USF3: variants seen among roughly 807,000 people sequenced by gnomAD.
The protein encoded by USF3 is upstream transcription factor family member 3, also known as basic helix-loop-helix domain-containing protein USF3.
A neutral mutation model predicts 157.5 loss-of-function variants in USF3; 29 were observed. The ratio of observed to expected loss-of-function variants is 0.18; its 90% CI spans 0.14 to 0.25. USF3 has a LOEUF of 0.25. Ranked by LOEUF, USF3 falls within the 10% of genes least tolerant of loss-of-function variation. The pLI is 1.00. For synonymous variants in USF3, 893 were observed against 941.4 expected (o/e 0.95, Z 0.94); for missense variants, 2,381 against 2,667.6 (o/e 0.89, Z 2.37).
At chr3:113,686,661 CA>C (rs1368372280) in intron 1 of USF3, among the ~76,000 whole-genome samples, 3 of 152,188 alleles carry the variant, frequency 2.0e-5, no homozygotes, top group Non-Finnish European at 2.9e-5. Context: ...TCTATTCAGC[CA>C]TCTTGCTCTG....
At chr3:113,666,728 G>A (rs959503322) in intron 5 of USF3, among the ~76,000 whole-genome samples, 3 of 151,784 alleles carry the variant, frequency 2.0e-5, no homozygotes, top group Admixed American at 6.6e-5. Flanking sequence ...ACCATGCCGG[G>A]CTAATTTGTT....
Position 113,659,061 on chromosome 3 carries a change from G to A in USF3, c.2621C>T (p.Ser874Leu). 4 of 1,614,140 alleles carry A rather than the reference G, an allele frequency of 2.5e-6. No homozygotes were observed. The highest frequency in any genetic ancestry group is 3.4e-6 in the Non-Finnish European group (4 of 1,179,998). ...SHSLGVLSSESLIPESVSKSK... is the reference protein window; with the variant it reads ...SHSLGVLSSELLIPESVSKSK... ...TTTCGATACAGACTCAGGTATTAAT[G>A]ATTCAGAGCTTAGAACACCCAAAGA... is the stretch of plus-strand genomic sequence containing the variant. The change falls in exon 7 of 7, where the codon TCA (serine) becomes TTA (leucine). Residue 874 changes from serine (S) to leucine (L), a missense_variant. Physicochemically the swap from Ser to Leu is moderately radical, Grantham distance 145. Transcript: ENST00000316407.
At position 113,655,636 on chromosome 3, in the gene USF3, G is replaced by C; in HGVS notation, c.6046C>G (p.Leu2016Val). 6.2e-7 allele frequency: 1 copy of C among 1,613,926 alleles called. No homozygotes were observed. Among genetic ancestry groups the C allele is most frequent in the South Asian group, 1.1e-5 (1 of 91,078 alleles). ...AGAATCATACTGCCACCAGTAGAGA[G>C]AGGAAGATGGGGAAGACTTGGATCA... The part of the protein sequence containing the change: ...VFDPSLPHLP[L>V]STGGSMILGR... Residue 2016 changes from leucine to valine, a missense_variant, in exon 7 of 7, where the codon CTC becomes GTC. This residue lies in a region of USF3 where 770 missense variants were observed against 824.2 expected (regional missense o/e 0.93). Transcript: ENST00000316407.
At chr3:113,695,572 C>T (rs1460233722) in intron 1 of USF3, among the ~76,000 whole-genome samples, 4 of 152,188 alleles carry the variant, frequency 2.6e-5, no homozygotes, top group Non-Finnish European at 5.9e-5. Context: ...ACTGTATCTA[C>T]TTGATGGTAA....
rs777737224 is a variant in USF3, at chr3:113,660,191, T to C, written c.1491A>G (p.Thr497=). Residue 497 remains threonine, a synonymous_variant, in exon 7 of 7, where the codon ACA becomes ACG. Coordinates refer to ENST00000316407, the MANE Select transcript of USF3 (RefSeq NM_001009899.4). Reference sequence around the variant, plus strand: ...TAGGTAAAGATGGACAAGAAGGCAATGTTACAACTACTTGCTCAACTGGCT... The same window carrying C: ...TAGGTAAAGATGGACAAGAAGGCAACGTTACAACTACTTGCTCAACTGGCT... ...DGQPVEQVVV[T]LPSCPSLPMQ... is the part of the protein sequence containing the mutation. 2 of 1,614,170 alleles carry C rather than the reference T, an allele frequency of 1.2e-6. No individual in the cohort carries two copies. The highest frequency in any genetic ancestry group is 1.7e-6 in the Non-Finnish European group (2 of 1,180,026).
chr3:113,687,260 CACACA>C (rs1559725154), intron 1 of USF3, among the ~76,000 whole-genome samples: 11 of 151,516 alleles, frequency 7.3e-5, no homozygotes, highest in Admixed American at 7.2e-4. Flanking sequence ...CACACACACA[CACACA>C]CCCCCTTTCT....
At chr3:113,695,366 C>G (rs1246565198) in intron 1 of USF3, among the ~76,000 whole-genome samples, 3 of 152,176 alleles carry the variant, frequency 2.0e-5, no homozygotes, top group Non-Finnish European at 4.4e-5. Flanking sequence ...AGTAGGACAG[C>G]CTGTTGATCC....
chr3:113,665,252 G>A lies in USF3; in HGVS notation c.160-843C>T, dbSNP rs139760014. On this transcript the variant is annotated intron_variant, in intron 5 of 6. Transcript: ENST00000316407. ...CGTTGGAGGAATGGTAAGGAGGTGA[G>A]CGGAGCTACAGTGGAGTACATGTGG... is the stretch of plus-strand genomic sequence containing the variant. Among the ~76,000 whole-genome samples the A allele has an allele frequency of 2.4e-3, 373 of 152,326 alleles. 4 individuals carry two copies. The highest frequency in any genetic ancestry group is 8.7e-3 in the African/African-American group (360 of 41,582).
At chr3:113,674,665 A>T (rs936858875) in intron 3 of USF3, among the ~76,000 whole-genome samples, 167 bp downstream of exon 3, 1 of 152,180 alleles carries the variant, frequency 6.6e-6, no homozygotes, top group Non-Finnish European at 1.5e-5. Context: ...TTTTAACCAT[A>T]TACCTTTTTC....
chr3:113,666,916 TTTTA>T, intron 5 of USF3, among the ~76,000 whole-genome samples: 1 of 152,262 alleles, frequency 6.6e-6, no homozygotes, highest in African/African-American at 2.4e-5. Context: ...ACTGTATTTA[TTTTA>T]TTTACCAGTC....
At chr3:113,666,665 G>A (rs1192464219) in intron 5 of USF3, among the ~76,000 whole-genome samples, 1 of 148,790 alleles carries the variant, frequency 6.7e-6, no homozygotes, top group Admixed American at 6.9e-5. Context: ...TCCGCCTCCT[G>A]GGTTCATGCC....
Position 113,660,885 on chromosome 3 carries a change from T to G in USF3, c.797A>C (p.His266Pro), listed in dbSNP as rs746488434. The G allele has an allele frequency of 6.2e-7, 1 of 1,614,154 alleles. No homozygotes were observed. Among genetic ancestry groups the G allele is most frequent in the South Asian group, 1.1e-5 (1 of 91,088 alleles). The change falls in exon 7 of 7, where the codon CAC becomes CCC. Residue 266 changes from histidine (H) to proline (P), a missense_variant. This residue lies in a region of USF3 where 1,435 missense variants were observed against 1,550.9 expected (regional missense o/e 0.93). Transcript: ENST00000316407. ...GCATGTGTGCAAAGAATGATGTTGG[T>G]GAGGCTCAGATTCAATTGAAACAGC... ...LIAVSIESEP[H>P]QHHSLHTCLN...
At chr3:113,677,600 G>A (rs1043170540) in intron 1 of USF3, among the ~76,000 whole-genome samples, 1 of 152,150 alleles carries the variant, frequency 6.6e-6, no homozygotes, top group African/African-American at 2.4e-5. Flanking sequence ...GCTCCATCCC[G>A]ACAAAGATGG....
intron 1 of USF3, among the ~76,000 whole-genome samples, chr3:113,683,464 CTTTTTT>C (rs5851905): frequency 1.1e-5 from 1 of 87,080 alleles, no homozygotes. Flanking sequence ...TTATCCCCTG[CTTTTTT>C]TTTTTTTTTT....
rs1030704001 is a variant in USF3 at position 113,669,771 on chromosome 3, A to G, written c.159+350T>C. On this transcript the variant is annotated intron_variant, in intron 5 of 6. Transcript: ENST00000316407. ...AATAAATTTTTAAAAAGATCCTTGG[A>G]AGATTCTAAGTAAAAATTTAAAAGG... 3.9e-5 allele frequency among the ~76,000 whole-genome samples: 6 copies of G among 152,182 alleles called. No homozygotes were observed. In the South Asian group the frequency reaches 1.0e-3, roughly 26 times the overall value.
Position 113,664,395 on chromosome 3 carries a change from G to T in USF3, c.174C>A (p.Ile58=). The change falls in exon 6 of 7, where the codon ATC becomes ATA. Residue 58 remains isoleucine (I), a synonymous_variant. Transcript: ENST00000316407. ...TTATATATTTAAAGGCTTGGTCCAG[G>T]ATCATATTCTTGCTCTGTCCAAGAA... ...SPALKQSKNM[I]LDQAFKYITE... The T allele has an allele frequency of 6.2e-7, 1 of 1,602,922 alleles. No individual in the cohort carries two copies. Among genetic ancestry groups the T allele is most frequent in the Non-Finnish European group, 8.5e-7 (1 of 1,173,254 alleles).
chr3:113,688,508 T>C (rs1707609524), intron 1 of USF3, among the ~76,000 whole-genome samples: 1 of 152,234 alleles, frequency 6.6e-6, no homozygotes, highest in Non-Finnish European at 1.5e-5. Context: ...TGAATACTCA[T>C]CAGAATTACC....
In USF3 at chr3:113,654,119, C is replaced by A. The variant is rs1469375827; in HGVS notation, c.*825G>T. 6.6e-6 allele frequency: 1 copy of A among 152,628 alleles called. No individual in the cohort carries two copies. The highest frequency in any genetic ancestry group is 1.5e-5 in the Non-Finnish European group (1 of 68,044). 9.5% of individuals were successfully genotyped at this position (152,628 alleles called of 1,614,324 possible). ...CAGCTGATGAAACATCCATTGTTAA[C>A]TGCACCCATGCAAAACTCCACAATA... On this transcript the variant is annotated 3_prime_UTR_variant, in exon 7 of 7. Transcript: ENST00000316407.
intron 4 of USF3, among the ~76,000 whole-genome samples, chr3:113,670,910 T>A (rs1043761797): frequency 6.6e-6 from 1 of 151,938 alleles, no homozygotes. Flanking sequence ...CCCAACTATT[T>A]TTTTTTGTAT....
Sources: allele counts gnomAD v4.1 joint callset (sites outside exome capture counted in the v4.1 genomes callset), GRCh38; gene constraint gnomAD v4.1.1; regional missense constraint gnomAD v4.1.1; transcripts MANE v1.5; gene names NCBI Gene and HGNC (gene_info 2026-07-23, HGNC 2026-07-21).